BLTP2: variants seen among roughly 807,000 people sequenced by gnomAD.
BLTP2 encodes U937-associated antigen.
the BLTP2 span, chr17:28,621,260 A>T: frequency 6.7e-7 from 1 of 1,482,544 alleles, no homozygotes; most frequent in Non-Finnish European, 9.4e-7. Flanking sequence ...AACTCCAGAA[A>T]CACTGCTTTC....
chr17:28,639,211 G>T, the BLTP2 span: 1 of 1,167,624 alleles, frequency 8.6e-7, no homozygotes, highest in Non-Finnish European at 1.3e-6. Context: ...GATTTGAGGA[G>T]GTCAAACAAC....
the BLTP2 span, chr17:28,616,632 T>C: frequency 9.9e-6 from 16 of 1,614,232 alleles, no homozygotes; most frequent in South Asian, 8.8e-5. This position sits in a 1 kb window ranked among gnomAD's most constrained non-coding sequence, Gnocchi z 4.8. Flanking sequence ...AGTCACCAGT[T>C]TGGACTTATC....
the BLTP2 span, chr17:28,644,330 G>T: frequency 4.5e-6 from 4 of 885,016 alleles, no homozygotes; most frequent in Non-Finnish European, 6.8e-6. Context: ...GCACCACTCT[G>T]TCATATACAT....
At chr17:28,620,583 T>C in the BLTP2 span, 1 of 1,614,174 alleles carries the variant, frequency 6.2e-7, no homozygotes, top group Non-Finnish European at 8.5e-7. Flanking sequence ...GCTGGGTTGG[T>C]GGAAATTTCC....
chr17:28,639,699 C>A, the BLTP2 span: 1 of 1,544,984 alleles, frequency 6.5e-7, no homozygotes, highest in Middle Eastern at 1.7e-4. Flanking sequence ...AGAGGTAAAA[C>A]TGGGAGAGGG....
chr17:28,640,537 TTC>T, the BLTP2 span: 4 of 1,613,092 alleles, frequency 2.5e-6, no homozygotes, highest in Non-Finnish European at 2.5e-6. Flanking sequence ...CTCTCCCATC[TTC>T]TGTGTCAGGA....
At chr17:28,637,648 A>C in the BLTP2 span, among the ~76,000 whole-genome samples, 1 of 152,158 alleles carries the variant, frequency 6.6e-6, no homozygotes, top group Non-Finnish European at 1.5e-5. Context: ...TACACACTAC[A>C]CACTTCAGTA....
chr17:28,631,349 A>T, the BLTP2 span: 1 of 822,028 alleles, frequency 1.2e-6, no homozygotes, highest in Non-Finnish European at 2.0e-6. Context: ...ACTTCCCAGT[A>T]GCCAAAACTC....
chr17:28,633,392 T>G, the BLTP2 span: 1 of 1,613,654 alleles, frequency 6.2e-7, no homozygotes, highest in East Asian at 2.2e-5. Flanking sequence ...TCAGTTGTGT[T>G]GTATGGATCC....
chr17:28,637,383 CAG>C, the BLTP2 span, among the ~76,000 whole-genome samples: 2 of 152,192 alleles, frequency 1.3e-5, no homozygotes, highest in Admixed American at 6.5e-5. Context: ...ACAAATTGCA[CAG>C]AGACATACCA....
At chr17:28,619,799 A>G in the BLTP2 span, 6 of 1,613,888 alleles carry the variant, frequency 3.7e-6, no homozygotes, top group African/African-American at 1.3e-5. Context: ...ATAGAAACTG[A>G]GAGACCGCCC....
the BLTP2 span, chr17:28,642,231 G>A: frequency 3.9e-5 from 62 of 1,605,864 alleles, no homozygotes; most frequent in African/African-American, 9.4e-5. Context: ...CACACTTTAC[G>A]CCCAGGAGGA....
chr17:28,635,306 G>A, the BLTP2 span: 320 of 1,614,056 alleles, frequency 2.0e-4, 1 homozygote, highest in Non-Finnish European at 2.6e-4. Context: ...CCTCCATGCC[G>A]GCTCAGTGAC....
At chr17:28,624,068 T>C in the BLTP2 span, 3 of 1,385,686 alleles carry the variant, frequency 2.2e-6, no homozygotes, top group Non-Finnish European at 3.0e-6. Flanking sequence ...GCTTACCAAG[T>C]AAATTTTACT....
chr17:28,640,462 C>T, the BLTP2 span: 1 of 1,277,602 alleles, frequency 7.8e-7, no homozygotes, highest in Middle Eastern at 1.9e-4. Context: ...TCCTTTCTCC[C>T]CGTAGACAAG....
the BLTP2 span, chr17:28,624,395 C>A: frequency 6.2e-7 from 1 of 1,609,444 alleles, no homozygotes; most frequent in Non-Finnish European, 8.5e-7. Flanking sequence ...AAGCACCTGG[C>A]AGAGAAATAG....
the BLTP2 span, chr17:28,644,042 G>A: frequency 6.2e-7 from 1 of 1,613,620 alleles, no homozygotes. Context: ...CATATCCAGA[G>A]TTTCCCAGAA....
chr17:28,617,192 A>C, the BLTP2 span: 1 of 1,549,352 alleles, frequency 6.5e-7, no homozygotes, highest in Non-Finnish European at 8.9e-7. Context: ...CCCGTGCTAA[A>C]AACATGCAAA....
At chr17:28,633,960 A>G in the BLTP2 span, 3 of 1,614,118 alleles carry the variant, frequency 1.9e-6, no homozygotes, top group African/African-American at 2.7e-5. Flanking sequence ...ACCCCACGGA[A>G]GCCCCAAGTG....
Sources: allele counts gnomAD v4.1 joint callset (sites outside exome capture counted in the v4.1 genomes callset), GRCh38; gene constraint gnomAD v4.1.1; non-coding constraint Gnocchi (gnomAD v3.1); transcripts MANE v1.5; gene names NCBI Gene and HGNC (gene_info 2026-07-23, HGNC 2026-07-21).